AP1S1: variants seen among roughly 807,000 people sequenced by gnomAD.
AP1S1 encodes the protein adaptor related protein complex 1 subunit sigma 1, also known as AP-1 complex subunit sigma-1A.
Under a neutral mutation model 23.9 loss-of-function variants are expected in AP1S1, and 13 were observed. The observed-to-expected ratio is 0.54, with a 90% CI of 0.35 to 0.86. AP1S1 has a LOEUF of 0.86. AP1S1 is among the 40% of genes least tolerant of loss of function. The pLI is 0.01. For missense variants in AP1S1, 119 were observed against 197.6 expected (o/e 0.60, Z 2.38); for synonymous variants, 84 against 77.7 (o/e 1.08, Z -0.43).
chr7:101,155,050 G>A, intron 1 of AP1S1: 4 of 986,340 alleles, frequency 4.1e-6, no homozygotes, highest in Non-Finnish European at 4.8e-6. Flanking sequence ...AAGTGGACTC[G>A]TGGTTTTTCT....
At chr7:101,158,846 T>C (rs1797037244) in intron 3 of AP1S1, among the ~76,000 whole-genome samples, 1 of 152,148 alleles carries the variant, frequency 6.6e-6, no homozygotes, top group African/African-American at 2.4e-5. Flanking sequence ...GAGGCTGCAG[T>C]GAGCTGTGAT....
Position 101,159,197 on chromosome 7 carries a change from G to A in AP1S1, c.429+1G>A. On this transcript the variant is annotated splice_donor_variant, in intron 4 of 4. Coordinates refer to ENST00000337619, the MANE Select transcript of AP1S1 (RefSeq NM_001283.5). LOFTEE classifies it high-confidence loss of function. ...CGAGCAGGCTGACCTACTGCAAGAG[G>A]TACGGGCCAGGGACAGTGAGGAGGA... 1 of 1,609,348 alleles carries A rather than the reference G, an allele frequency of 6.2e-7. No individual in the cohort carries two copies. Among genetic ancestry groups the A allele is most frequent in the Non-Finnish European group, 8.5e-7 (1 of 1,178,010 alleles).
intron 3 of AP1S1, among the ~76,000 whole-genome samples, chr7:101,158,463 T>C (rs1180754838): frequency 2.0e-5 from 3 of 152,132 alleles, no homozygotes; most frequent in Non-Finnish European, 4.4e-5. Context: ...TGCCCCACAG[T>C]GTCCAGGAAG....
intron 1 of AP1S1, among the ~76,000 whole-genome samples, chr7:101,155,433 C>G (rs1796977951): frequency 6.6e-6 from 1 of 152,178 alleles, no homozygotes; most frequent in Non-Finnish European, 1.5e-5. Context: ...ACCCAGCTTG[C>G]TGTCTGTTCT....
At position 101,156,673 on chromosome 7, in the gene AP1S1, G is replaced by A. The variant is rs754050754; in HGVS notation, c.83G>A (p.Arg28Gln). The A allele has an allele frequency of 5.6e-6, 9 of 1,611,484 alleles. No homozygotes were observed. The highest frequency in any genetic ancestry group is 7.6e-6 in the Non-Finnish European group (9 of 1,178,998). ...TACCTGGCCACTTCGGACAAGGAACGGAAGAAGATGGTGCGCGAGCTCATG... is the reference window on the plus strand; with the variant it reads ...TACCTGGCCACTTCGGACAAGGAACAGAAGAAGATGGTGCGCGAGCTCATG... Reference protein sequence around the residue: ...KWYLATSDKERKKMVRELMQV... With the variant: ...KWYLATSDKEQKKMVRELMQV... Residue 28 changes from arginine to glutamine, a missense_variant, in exon 2 of 5, where the codon CGG (arginine) becomes CAG (glutamine). By Grantham distance (43) the Arg-to-Gln change is conservative. Transcript: ENST00000337619.
chr7:101,154,579 T>TCCTCGGGGGCCGC (rs1345048987), intron 1 of AP1S1, 62 bp downstream of exon 1: 17 of 1,443,686 alleles, frequency 1.2e-5, no homozygotes, highest in Non-Finnish European at 1.5e-5. Flanking sequence ...CCTGCGGGGG[T>TCCTCGGGGGCCGC]CCTCGGGGGC....
At chr7:101,155,327 G>T (rs540844232) in intron 1 of AP1S1, among the ~76,000 whole-genome samples, 100 of 152,334 alleles carry the variant, frequency 6.6e-4, no homozygotes, top group African/African-American at 1.9e-3. Context: ...AGAGCTACTG[G>T]GGTAAGGAGA....
rs775777105 is a variant in AP1S1 at position 101,160,529 on chromosome 7, C to T, written c.440C>T (p.Ser147Leu). 6.2e-7 allele frequency: 1 copy of T among 1,611,968 alleles called. No homozygotes were observed. Among genetic ancestry groups the T allele is most frequent in the Non-Finnish European group, 8.5e-7 (1 of 1,179,880 alleles). The change falls in exon 5 of 5, where the codon TCG (serine) becomes TTG (leucine). Residue 147 changes from serine to leucine, a missense_variant. Ser to Leu is a moderately radical substitution (Grantham distance 145). Transcript: ENST00000337619. ...QADLLQEEDE[S>L]PRSVLEEMGL... ...CTGTCTCTGCCTTAGGAGGATGAGT[C>T]GCCACGGAGTGTGCTGGAGGAGATG...
chr7:101,160,719 A>C lies in AP1S1; in HGVS notation c.*153A>C. The C allele has an allele frequency of 1.1e-6, 1 of 887,386 alleles. No individual in the cohort carries two copies. The highest frequency in any genetic ancestry group is 2.5e-5 in the East Asian group (1 of 39,342). 55.0% of individuals were successfully genotyped at this position (887,386 alleles called of 1,614,324 possible). A position where few individuals can be genotyped will look rare whatever the true frequency, so the allele number is the denominator to read the frequency against. ...GTGAGCTGTGGGCTCAGGCCCTTCA[A>C]ACATTCCCTCCCTCCACCCCCTACC... On this transcript the variant is annotated 3_prime_UTR_variant, in exon 5 of 5. Transcript: ENST00000337619.
At chr7:101,154,830 G>A in intron 1 of AP1S1, 1 of 487,164 alleles carries the variant, frequency 2.1e-6, no homozygotes, top group Non-Finnish European at 2.7e-6. Flanking sequence ...CAGGGAAGCC[G>A]CCCGAAGCAG....
In AP1S1 at chr7:101,154,505, A is replaced by C. The variant is rs559897692; in HGVS notation, c.-10A>C. On this transcript the variant is annotated 5_prime_UTR_variant, in exon 1 of 5. Transcript: ENST00000337619. ...GCCGAAGTGGGACGCGCCGAGCCGG[A>C]GGCTGCAGGATGGTAGGCTGTGCGA... 4 of 1,563,792 alleles carry C rather than the reference A, an allele frequency of 2.6e-6. No individual in the cohort carries two copies. Among genetic ancestry groups the C allele is most frequent in the Non-Finnish European group, 3.5e-6 (4 of 1,155,468 alleles).
rs565320195 is a variant in AP1S1, at chr7:101,159,864, G to C, written c.430-655G>C. Among the ~76,000 whole-genome samples, 12 of 151,938 alleles carry C rather than the reference G, an allele frequency of 7.9e-5. No homozygotes were observed. The East Asian group carries it at 2.1e-3, about 27-fold the overall frequency. ...CCCGGCCTGAGCTGGCTCTGAGGAGGGGGAGAGATGGGGGGCGAGGGAGGG... is the reference window on the plus strand; with the variant it reads ...CCCGGCCTGAGCTGGCTCTGAGGAGCGGGAGAGATGGGGGGCGAGGGAGGG... On this transcript the variant is annotated intron_variant, in intron 4 of 4. Coordinates refer to ENST00000337619, the MANE Select transcript of AP1S1 (RefSeq NM_001283.5).
At position 101,160,711 on chromosome 7, in the gene AP1S1, G is replaced by T; in HGVS notation, c.*145G>T. ...CTTTCGGAGTGAGCTGTGGGCTCAG[G>T]CCCTTCAAACATTCCCTCCCTCCAC... On this transcript the variant is annotated 3_prime_UTR_variant, in exon 5 of 5. Coordinates refer to ENST00000337619, the MANE Select transcript of AP1S1 (RefSeq NM_001283.5). 2 of 968,802 alleles carry T rather than the reference G, an allele frequency of 2.1e-6. No homozygotes were observed. The highest frequency in any genetic ancestry group is 3.2e-6 in the Non-Finnish European group (2 of 622,508). 60.0% of individuals were successfully genotyped at this position (968,802 alleles called of 1,614,324 possible).
At position 101,156,652 on chromosome 7, in the gene AP1S1, T is replaced by C. The variant is rs1210624921; in HGVS notation, c.62T>C (p.Leu21Pro). 3 of 1,612,082 alleles carry C rather than the reference T, an allele frequency of 1.9e-6. No homozygotes were observed. The highest frequency in any genetic ancestry group is 2.5e-6 in the Non-Finnish European group (3 of 1,179,256). Reference protein sequence around the residue: ...QGKLRLQKWYLATSDKERKKM... With the variant: ...QGKLRLQKWYPATSDKERKKM... Reference sequence around the variant, plus strand: ...AAACTGCGGCTGCAAAAATGGTACCTGGCCACTTCGGACAAGGAACGGAAG... The same window carrying C: ...AAACTGCGGCTGCAAAAATGGTACCCGGCCACTTCGGACAAGGAACGGAAG... The change falls in exon 2 of 5, where the codon CTG (leucine) becomes CCG (proline). Residue 21 changes from leucine (L) to proline (P), a missense_variant. Transcript: ENST00000337619.
intron 4 of AP1S1, 85 bp downstream of exon 4, chr7:101,159,281 G>GC: frequency 6.6e-7 from 1 of 1,519,798 alleles, no homozygotes; most frequent in South Asian, 1.2e-5. Context: ...GGCCTGCCCT[G>GC]CCCACCGTCG....
At chr7:101,159,618 CTT>C (rs768394145) in intron 4 of AP1S1, 279 of 145,674 alleles carry the variant, frequency 1.9e-3, no homozygotes, top group South Asian at 6.1e-3. Flanking sequence ...TTTTTTTTTT[CTT>C]TTTTTTTTTT....
Position 101,161,229 on chromosome 7 carries a change from C to T in AP1S1, c.*663C>T, listed in dbSNP as rs755438433. On this transcript the variant is annotated 3_prime_UTR_variant, in exon 5 of 5. Transcript: ENST00000337619. ...GGTGGGGAGGGGGAGGGGGAAGTGT[C>T]TGCCTTTATGTCCTTTCTTCTGAAA... is the stretch of plus-strand genomic sequence containing the variant. 5.4e-6 allele frequency: 1 copy of T among 184,324 alleles called. No individual in the cohort carries two copies. Among genetic ancestry groups the T allele is most frequent in the Non-Finnish European group, 1.1e-5 (1 of 87,564 alleles). The allele number at this position is 184,324 out of a possible 1,614,324, so 11.4% of individuals were successfully genotyped here. A position where few individuals can be genotyped will look rare whatever the true frequency, so the allele number is the denominator to read the frequency against.
chr7:101,157,929 G>A (rs1317966463), intron 3 of AP1S1, among the ~76,000 whole-genome samples: 1 of 152,134 alleles, frequency 6.6e-6, no homozygotes, highest in Non-Finnish European at 1.5e-5. Flanking sequence ...GGGACTGCAG[G>A]TGCACACCAC....
At position 101,156,589 on chromosome 7, in the gene AP1S1, C is replaced by G; in HGVS notation, c.4-5C>G. ...CCCTCGGTTCTGCCCTCCCATCCCC[C>G]ACAGATGCGGTTCATGCTATTATTC... is the stretch of plus-strand genomic sequence containing the variant. On this transcript the variant is annotated splice_polypyrimidine_tract_variant and splice_region_variant and intron_variant, in intron 1 of 4. Transcript: ENST00000337619. 1 of 1,609,986 alleles carries G rather than the reference C, an allele frequency of 6.2e-7. No homozygotes were observed. Among genetic ancestry groups the G allele is most frequent in the South Asian group, 1.1e-5 (1 of 90,002 alleles).
Sources: allele counts gnomAD v4.1 joint callset (sites outside exome capture counted in the v4.1 genomes callset), GRCh38; gene constraint gnomAD v4.1.1; transcripts MANE v1.5; gene names NCBI Gene and HGNC (gene_info 2026-07-23, HGNC 2026-07-21).